Variants in FGF13 observed in about 807,000 individuals in gnomAD.
The protein encoded by FGF13 is fibroblast growth factor homologous factor 2.
A neutral mutation model predicts 19.5 loss-of-function variants in FGF13; 2 were observed. The ratio of observed to expected loss-of-function variants is 0.10; its 90% CI spans 0.04 to 0.32. FGF13 has a LOEUF of 0.32. Ranked by LOEUF, FGF13 falls within the 10% of genes least tolerant of loss-of-function variation. The pLI is 1.00. For missense variants in FGF13, 113 were observed against 192.7 expected, an observed-to-expected ratio of 0.59 and a Z score of 2.45; for synonymous variants, 72 against 76.9, an observed-to-expected ratio of 0.94 and a Z score of 0.33.
chrX:138,863,055 C>A (rs749136929), intron 2 of FGF13, among the ~76,000 whole-genome samples: 2 of 110,933 alleles, frequency 1.8e-5, no homozygotes, highest in Non-Finnish European at 3.8e-5. Context: ...GCCTCAAGGC[C>A]TTGTACCCCT....
intron 1 of FGF13, among the ~76,000 whole-genome samples, chrX:139,016,527 C>G (rs1214284391): frequency 1.8e-5 from 2 of 112,003 alleles, no homozygotes; most frequent in Non-Finnish European, 3.8e-5. Flanking sequence ...TCCCAGCACT[C>G]TCCTCTCCTC....
chrX:138,668,003 A>G (rs2089570814), intron 3 of FGF13, among the ~76,000 whole-genome samples: 1 of 111,653 alleles, frequency 9.0e-6, no homozygotes, highest in Non-Finnish European at 1.9e-5. Context: ...TAGTCTTAAA[A>G]AAAATGACAA....
chrX:138,785,442 C>T (rs1032905430), intron 3 of FGF13, among the ~76,000 whole-genome samples: 3 of 111,391 alleles, frequency 2.7e-5, no homozygotes, highest in Non-Finnish European at 5.7e-5. Context: ...TCTTTTTCTC[C>T]CCTTGACTCA....
intron 1 of FGF13, among the ~76,000 whole-genome samples, chrX:138,892,501 G>T (rs2091482909): frequency 8.9e-6 from 1 of 111,909 alleles, no homozygotes; most frequent in African/African-American, 3.3e-5. Flanking sequence ...GACAAGATCT[G>T]TATAAACTGT....
At position 138,631,929 on chromosome X, in the gene FGF13, C is replaced by T. The variant is rs754274254; in HGVS notation, c.*921G>A. ...TGTGCCAAATACAATGACAGGAAGA[C>T]TCATACATATACAGATAAGACATTT... On this transcript the variant is annotated 3_prime_UTR_variant, in exon 5 of 5. Coordinates refer to ENST00000315930, the MANE Select transcript of FGF13 (RefSeq NM_004114.5). 1 of 112,030 alleles carries T rather than the reference C, an allele frequency of 8.9e-6. No homozygotes were observed. The highest frequency in any genetic ancestry group is 3.7e-4 in the South Asian group (1 of 2,705). 9.2% of individuals were successfully genotyped at this position (112,030 alleles called of 1,213,427 possible).
Position 138,892,032 on chromosome X carries a change from G to GTGTGTGTGTGTGTGTA in FGF13, c.-112-27383_-112-27382insTACACACACACACACA, listed in dbSNP as rs1569419135. Among the ~76,000 whole-genome samples, 883 of 108,294 alleles carry GTGTGTGTGTGTGTGTA rather than the reference G, an allele frequency of 8.2e-3. 16 individuals are homozygous for GTGTGTGTGTGTGTGTA. Among genetic ancestry groups the GTGTGTGTGTGTGTGTA allele is most frequent in the African/African-American group, 0.029 (852 of 29,165 alleles). The allele number at this position is 108,294 out of a possible 115,157, so 94.0% of individuals were successfully genotyped here. ...TGTGTGTGTGTGTGTGTGTGTGTGT[G>GTGTGTGTGTGTGTGTA]TATTATCTCCTACTAGTTCTGTCCC... On this transcript the variant is annotated intron_variant, in intron 1 of 2. Coordinates refer to the FGF13 transcript ENST00000421460.
chrX:138,751,521 T>C (rs1296260391), intron 3 of FGF13, among the ~76,000 whole-genome samples: 3 of 111,992 alleles, frequency 2.7e-5, no homozygotes, highest in Non-Finnish European at 5.6e-5. Flanking sequence ...CTTGCTTTTA[T>C]ATCATTTCCA....
intron 1 of FGF13, among the ~76,000 whole-genome samples, chrX:139,124,875 G>A (rs2083703796): frequency 9.0e-6 from 1 of 111,448 alleles, no homozygotes; most frequent in Admixed American, 9.5e-5. Flanking sequence ...GGTGGCCTGA[G>A]GATGAGTACA....
chrX:139,048,475 A>T (rs778552029), intron 1 of FGF13, among the ~76,000 whole-genome samples: 1 of 110,422 alleles, frequency 9.1e-6, no homozygotes, highest in Non-Finnish European at 1.9e-5. Context: ...CATGATCTTA[A>T]GTTTTAAAAA....
intron 1 of FGF13, among the ~76,000 whole-genome samples, chrX:138,868,707 CTCA>C (rs2091342362): frequency 9.0e-6 from 1 of 111,014 alleles, no homozygotes; most frequent in Admixed American, 9.6e-5. Flanking sequence ...AGAAAATGTG[CTCA>C]TCAACACCAC....
At chrX:138,892,002 A>ATGTGTGTGTGTGTGTGTGTGTGTG (rs3077315) in intron 1 of FGF13, among the ~76,000 whole-genome samples, 1 of 90,369 alleles carries the variant, frequency 1.1e-5, no homozygotes, top group African/African-American at 4.2e-5. Context: ...ATATATACAT[A>ATGTGTGTGTGTGTGTGTGTGTGTG]TGTGTGTGTG....
At chrX:139,118,841 T>C (rs947515499) in intron 1 of FGF13, among the ~76,000 whole-genome samples, 4 of 110,172 alleles carry the variant, frequency 3.6e-5, no homozygotes, top group African/African-American at 9.9e-5. Flanking sequence ...GGGCAACATA[T>C]GGAGACCCCA....
intron 3 of FGF13, among the ~76,000 whole-genome samples, chrX:138,832,957 T>C (rs1306837006): frequency 1.8e-5 from 2 of 111,909 alleles, no homozygotes; most frequent in African/African-American, 6.5e-5. Context: ...GGTTTGTCAA[T>C]GATCAGATAG....
chrX:138,655,524 A>G (rs916470855), intron 3 of FGF13, among the ~76,000 whole-genome samples: 2 of 111,722 alleles, frequency 1.8e-5, no homozygotes, highest in Non-Finnish European at 3.8e-5. Flanking sequence ...GATTGTGTAT[A>G]TAATTTGGTG....
intron 1 of FGF13, among the ~76,000 whole-genome samples, chrX:139,109,585 C>T (rs1430239071): frequency 1.8e-5 from 2 of 111,342 alleles, no homozygotes. Flanking sequence ...TGAGCTCAGC[C>T]ACTCACCAGC....
intron 1 of FGF13, among the ~76,000 whole-genome samples, chrX:138,897,528 G>A (rs1469576468): frequency 9.0e-6 from 1 of 111,713 alleles, no homozygotes; most frequent in African/African-American, 3.3e-5. Context: ...TGAGAATCTA[G>A]AAGAAAAACC....
At chrX:138,763,932 G>A (rs1384706239) in intron 3 of FGF13, among the ~76,000 whole-genome samples, 2 of 111,368 alleles carry the variant, frequency 1.8e-5, no homozygotes, top group African/African-American at 6.5e-5. Flanking sequence ...TCCTTAGAAA[G>A]AAGCAAGAGG....
chrX:139,158,009 G>A (rs2083992595), intron 1 of FGF13, among the ~76,000 whole-genome samples: 2 of 111,933 alleles, frequency 1.8e-5, no homozygotes, highest in Non-Finnish European at 3.8e-5. Context: ...AAGGGGGCGG[G>A]AAACTCCCTC....
chrX:139,177,299 T>A (rs12559293), intron 1 of FGF13, among the ~76,000 whole-genome samples: 19,899 of 96,296 alleles, frequency 0.21, 2,490 homozygotes, highest in East Asian at 0.49. Flanking sequence ...TCCCTTCACT[T>A]TGAGCCTCTG....
Sources: gnomAD v4.1 joint callset for allele counts (sites outside exome capture counted in the v4.1 genomes callset) on GRCh38, gnomAD v4.1.1 for gene constraint, MANE v1.5 for transcripts, NCBI Gene and HGNC (gene_info 2026-07-23, HGNC 2026-07-21) for gene names.